Variants in TIA1 observed in about 807,000 individuals in gnomAD.
TIA1 encodes cytotoxic granule associated RNA binding protein TIA1.
Under a neutral mutation model 65.9 loss-of-function variants are expected in TIA1, and 23 were observed. The observed-to-expected ratio is 0.35, with a 90% confidence interval of 0.25 to 0.49. The LOEUF is 0.49. Among genes scored for constraint, TIA1 ranks in the 20% least tolerant of loss-of-function variants. The pLI is 0.98. For synonymous variants in TIA1, 147 were observed against 149.4 expected, an observed-to-expected ratio of 0.98 and a Z score of 0.12; for missense variants, 371 against 477.9, an observed-to-expected ratio of 0.78 and a Z score of 2.09.
At chr2:70,246,229 T>G (rs1694243340) in intron 1 of TIA1, among the ~76,000 whole-genome samples, 1 of 152,218 alleles carries the variant, frequency 6.6e-6, no homozygotes, top group Non-Finnish European at 1.5e-5. Flanking sequence ...CAGCCAATTA[T>G]ACCAGTTTCT....
At chr2:70,232,202 CTG>C (rs1281834170) in intron 2 of TIA1, among the ~76,000 whole-genome samples, 2 of 111,718 alleles carry the variant, frequency 1.8e-5, no homozygotes, top group African/African-American at 6.7e-5. Context: ...GAGCGAGACT[CTG>C]TCTCAAAAAA....
intron 1 of TIA1, among the ~76,000 whole-genome samples, chr2:70,247,561 A>G (rs1336290776): frequency 6.6e-6 from 1 of 152,224 alleles, no homozygotes; most frequent in Non-Finnish European, 1.5e-5. Flanking sequence ...TAATACCTCG[A>G]AAAACAAAGA....
chr2:70,240,740 C>T (rs1031574543), intron 1 of TIA1, among the ~76,000 whole-genome samples: 8 of 152,028 alleles, frequency 5.3e-5, no homozygotes, highest in East Asian at 1.9e-4. Context: ...GGTGTGGTGG[C>T]GCATGCCTGT....
intron 7 of TIA1, 181 bp downstream of exon 7, chr2:70,224,373 C>G: frequency 1.4e-6 from 1 of 736,092 alleles, no homozygotes; most frequent in Non-Finnish European, 2.2e-6. Context: ...CTTATCAGTA[C>G]TCTGCATGCC....
chr2:70,216,156 G>T, intron 10 of TIA1, 52 bp downstream of exon 10: 2 of 1,314,712 alleles, frequency 1.5e-6, no homozygotes, highest in Admixed American at 2.7e-5. Context: ...TTATTTTCTG[G>T]TTTTCCAGTT....
intron 6 of TIA1, chr2:70,224,912 A>G (rs1683149039): frequency 8.7e-7 from 1 of 1,143,534 alleles, no homozygotes; most frequent in East Asian, 4.9e-5. Flanking sequence ...GCATGGTGAA[A>G]GCAGCTACTC....
chr2:70,230,914 T>G, intron 2 of TIA1, 60 bp from the exon 3 acceptor site: 3 of 1,376,508 alleles, frequency 2.2e-6, no homozygotes, highest in Non-Finnish European at 3.0e-6. Context: ...ACCTTAAAAT[T>G]ATGTAAAAAA....
At position 70,212,756 on chromosome 2, in the gene TIA1, G is replaced by T. The variant is rs534696291; in HGVS notation, c.1124C>A (p.Pro375His). Residue 375 changes from proline (P) to histidine (H), a missense_variant, in exon 13 of 13, where the codon CCT becomes CAT. By Grantham distance (77) the Pro-to-His change is moderately conservative. Transcript: ENST00000433529. ...ATACCCTGCCACTCGATACCCAGAA[G>T]GCTGATTGGGCAACATGCTGCCATT... ...GQNGSMLPNQPSGYRVAGYET... is the reference protein window; with the variant it reads ...GQNGSMLPNQHSGYRVAGYET... 1.9e-6 allele frequency: 3 copies of T among 1,614,110 alleles called. No homozygotes were observed. In the Admixed American group the frequency reaches 5.0e-5, roughly 27 times the overall value.
At chr2:70,227,073 T>A (rs111522718) in intron 6 of TIA1, among the ~76,000 whole-genome samples, 1,761 of 152,250 alleles carry the variant, frequency 0.012, 39 homozygotes, top group African/African-American at 0.04. Context: ...CTAATTACTC[T>A]ACAGAAAGTA....
At chr2:70,239,897 G>A (rs1024295032) in intron 1 of TIA1, among the ~76,000 whole-genome samples, 1 of 152,200 alleles carries the variant, frequency 6.6e-6, no homozygotes, top group Non-Finnish European at 1.5e-5. Flanking sequence ...CCACTAAATA[G>A]TGTAATCTAA....
Position 70,209,547 on chromosome 2 carries a change from C to T in TIA1, c.*3172G>A, listed in dbSNP as rs1349949981. 1 of 398,088 alleles carries T rather than the reference C, an allele frequency of 2.5e-6. No individual in the cohort carries two copies. The highest frequency in any genetic ancestry group is 4.4e-6 in the Non-Finnish European group (1 of 225,938). 24.7% of individuals were successfully genotyped at this position (398,088 alleles called of 1,614,324 possible). On this transcript the variant is annotated 3_prime_UTR_variant, in exon 13 of 13. Coordinates refer to ENST00000433529, the MANE Select transcript of TIA1 (RefSeq NM_022173.4). The stretch of plus-strand genomic sequence containing the variant: ...AAACACAACAGTCAAAATGCAGTGA[C>T]TGTAATGAAATGTAATAACCTCCTA...
intron 1 of TIA1, among the ~76,000 whole-genome samples, chr2:70,245,011 C>A (rs976203958): frequency 6.6e-6 from 1 of 151,830 alleles, no homozygotes; most frequent in African/African-American, 2.4e-5. Flanking sequence ...AATTGGGCTC[C>A]GTCTTGCTCT....
chr2:70,232,943 G>A (rs1687162968), intron 2 of TIA1, among the ~76,000 whole-genome samples: 1 of 152,038 alleles, frequency 6.6e-6, no homozygotes, highest in Non-Finnish European at 1.5e-5. Flanking sequence ...GAACCTGGAT[G>A]TTTAATTATA....
At chr2:70,224,103 A>G (rs1682776911) in intron 7 of TIA1, among the ~76,000 whole-genome samples, 1 of 151,700 alleles carries the variant, frequency 6.6e-6, no homozygotes, top group African/African-American at 2.4e-5. Flanking sequence ...TTTTTAGTAG[A>G]AACAGGGTTT....
rs1443313346 is a variant in TIA1 at position 70,248,552 on chromosome 2, G to C, written c.-122C>G. ...TTCTCGGCTGACCAGAGGTTACTCC[G>C]CCTCCTCCTCCGGCGGCAATTACAC... On this transcript the variant is annotated 5_prime_UTR_variant, in exon 1 of 13. Coordinates refer to ENST00000433529, the MANE Select transcript of TIA1 (RefSeq NM_022173.4). The C allele has an allele frequency of 6.9e-7, 1 of 1,454,606 alleles. No individual in the cohort carries two copies. Among genetic ancestry groups the C allele is most frequent in the South Asian group, 1.2e-5 (1 of 85,006 alleles). 90.1% of individuals were successfully genotyped at this position (1,454,606 alleles called of 1,614,324 possible). A position where few individuals can be genotyped will look rare whatever the true frequency, so the allele number is the denominator to read the frequency against.
chr2:70,214,651 A>AAC (rs1553425255), intron 11 of TIA1, among the ~76,000 whole-genome samples, 157 bp from the exon 12 acceptor site: 38 of 143,266 alleles, frequency 2.7e-4, no homozygotes, highest in East Asian at 1.4e-3. Context: ...AAAAAAAAAA[A>AAC]AAAAAAACAA....
Position 70,248,541 on chromosome 2 carries a change from G to A in TIA1, c.-111C>T, listed in dbSNP as rs1482503994. The A allele has an allele frequency of 1.3e-6, 2 of 1,528,516 alleles. No individual in the cohort carries two copies. Among genetic ancestry groups the A allele is most frequent in the East Asian group, 2.3e-5 (1 of 43,056 alleles). 94.7% of individuals were successfully genotyped at this position (1,528,516 alleles called of 1,614,324 possible). ...GATAGTGGGGTTTCTCGGCTGACCA[G>A]AGGTTACTCCGCCTCCTCCTCCGGC... On this transcript the variant is annotated 5_prime_UTR_variant, in exon 1 of 13. Coordinates refer to ENST00000433529, the MANE Select transcript of TIA1 (RefSeq NM_022173.4).
chr2:70,239,036 C>T (rs1268782104), intron 1 of TIA1, among the ~76,000 whole-genome samples: 2 of 152,180 alleles, frequency 1.3e-5, no homozygotes, highest in East Asian at 3.9e-4. Context: ...TGCCACTGCA[C>T]TCCATCCCAG....
intron 1 of TIA1, among the ~76,000 whole-genome samples, chr2:70,242,776 A>AG (rs752432230): frequency 2.6e-5 from 4 of 152,070 alleles, no homozygotes; most frequent in Non-Finnish European, 5.9e-5. Context: ...TAAGATCAGC[A>AG]GCATTTGTGA....
Sources: gnomAD v4.1 joint callset for allele counts (sites outside exome capture counted in the v4.1 genomes callset) on GRCh38, gnomAD v4.1.1 for gene constraint, MANE v1.5 for transcripts, NCBI Gene and HGNC (gene_info 2026-07-23, HGNC 2026-07-21) for gene names.